The following AGBL4 variants were observed in gnomAD, a reference collection of about 807,000 sequenced individuals.
AGBL4 encodes the protein cytosolic carboxypeptidase 6.
A neutral mutation model predicts 66.4 loss-of-function variants in AGBL4; 58 were observed. That is an observed-to-expected ratio of 0.87 (90% CI 0.71 to 1.09). The LOEUF is 1.09. Among genes scored for constraint, AGBL4 ranks in the 50% least tolerant of loss-of-function variants. The pLI, the probability that AGBL4 is intolerant of heterozygous loss-of-function variation, is 0.00. For missense variants in AGBL4, 579 were observed against 631.0 expected (o/e 0.92, Z 0.88); for synonymous variants, 234 against 222.9 (o/e 1.05, Z -0.44).
intron 3 of AGBL4, among the ~76,000 whole-genome samples, chr1:49,490,838 C>T (rs1438189596): frequency 6.6e-6 from 1 of 151,496 alleles, no homozygotes; most frequent in Non-Finnish European, 1.5e-5. Flanking sequence ...GGAAAGAAAA[C>T]ACAATAAAAA....
intron 4 of AGBL4, among the ~76,000 whole-genome samples, chr1:49,136,654 C>G (rs1460889778): frequency 6.6e-6 from 1 of 152,044 alleles, no homozygotes; most frequent in Non-Finnish European, 1.5e-5. Context: ...TTTAATAGCT[C>G]TAAGCACTAG....
intron 6 of AGBL4, among the ~76,000 whole-genome samples, chr1:48,773,283 A>C (rs1644924996): frequency 6.6e-6 from 1 of 152,160 alleles, no homozygotes; most frequent in Non-Finnish European, 1.5e-5. Flanking sequence ...TATGAGCCCC[A>C]GTAGCAGGCT....
At chr1:49,259,440 C>G (rs374212991) in intron 3 of AGBL4, among the ~76,000 whole-genome samples, 1 of 151,334 alleles carries the variant, frequency 6.6e-6, no homozygotes, top group East Asian at 1.9e-4. Flanking sequence ...CACATAGGCT[C>G]AAAATAAAAG....
chr1:49,615,018 G>A (rs925148775), intron 3 of AGBL4, among the ~76,000 whole-genome samples: 4 of 152,084 alleles, frequency 2.6e-5, no homozygotes, highest in Admixed American at 1.3e-4. Context: ...TAAGAAAATT[G>A]AGATATAGAA....
intron 4 of AGBL4, among the ~76,000 whole-genome samples, chr1:49,151,033 C>A (rs1304770881): frequency 1.3e-5 from 2 of 152,090 alleles, no homozygotes; most frequent in Non-Finnish European, 2.9e-5. Flanking sequence ...CTTTGGGAGG[C>A]CGAGGAGGGT....
chr1:48,697,541 ATCTACTGAC>A (rs2148501225), intron 6 of AGBL4, among the ~76,000 whole-genome samples: 1 of 152,356 alleles, frequency 6.6e-6, no homozygotes, highest in African/African-American at 2.4e-5. Context: ...TTGGGTCCCC[ATCTACTGAC>A]TTCTGGTCCA....
intron 3 of AGBL4, among the ~76,000 whole-genome samples, chr1:49,273,925 G>T (rs201286869): frequency 1.3e-5 from 2 of 151,816 alleles, no homozygotes; most frequent in Non-Finnish European, 2.9e-5. Flanking sequence ...CTCATGATCC[G>T]CCTGCCTCGG....
intron 3 of AGBL4, among the ~76,000 whole-genome samples, chr1:49,653,368 C>G (rs1646048820): frequency 6.6e-6 from 1 of 152,014 alleles, no homozygotes; most frequent in African/African-American, 2.4e-5. Context: ...GAGAAAGAAT[C>G]AACATAAAAA....
chr1:48,775,244 A>T (rs1645019814), intron 6 of AGBL4, among the ~76,000 whole-genome samples: 1 of 152,150 alleles, frequency 6.6e-6, no homozygotes, highest in African/African-American at 2.4e-5. Flanking sequence ...AGAGCCTGTC[A>T]AAAAGGGTCC....
intron 3 of AGBL4, among the ~76,000 whole-genome samples, chr1:49,324,613 G>A (rs1410800923): frequency 6.6e-6 from 1 of 152,232 alleles, no homozygotes; most frequent in Non-Finnish European, 1.5e-5. Flanking sequence ...TCCTAGAAAA[G>A]CAGGTATCTA....
intron 6 of AGBL4, among the ~76,000 whole-genome samples, chr1:48,711,709 C>CTA (rs1318283001): frequency 5.0e-5 from 7 of 139,670 alleles, no homozygotes. Flanking sequence ...CCTGTCACCC[C>CTA]TCTCTCACTC....
At chr1:49,082,458 C>A (rs1393954580) in intron 4 of AGBL4, among the ~76,000 whole-genome samples, 1 of 152,204 alleles carries the variant, frequency 6.6e-6, no homozygotes, top group Non-Finnish European at 1.5e-5. Flanking sequence ...GAAGAAGGGG[C>A]AAAGCCACAT....
chr1:48,984,179 G>C (rs1659989467), intron 5 of AGBL4, among the ~76,000 whole-genome samples: 1 of 151,910 alleles, frequency 6.6e-6, no homozygotes, highest in Admixed American at 6.6e-5. Flanking sequence ...ATCATGACAG[G>C]CAGTAGAGGA....
At chr1:49,511,987 C>T (rs1180496744) in intron 3 of AGBL4, among the ~76,000 whole-genome samples, 2 of 151,984 alleles carry the variant, frequency 1.3e-5, no homozygotes, top group African/African-American at 4.8e-5. Context: ...CATGGATCAT[C>T]ATGAGAATTA....
chr1:49,175,656 C>G (rs1490158186), intron 4 of AGBL4, among the ~76,000 whole-genome samples: 1 of 152,066 alleles, frequency 6.6e-6, no homozygotes, highest in Non-Finnish European at 1.5e-5. Flanking sequence ...AAAACAAGTA[C>G]AGGCAAACTT....
At chr1:49,757,796 A>G (rs1368089654) in intron 2 of AGBL4, among the ~76,000 whole-genome samples, 1 of 152,186 alleles carries the variant, frequency 6.6e-6, no homozygotes, top group African/African-American at 2.4e-5. Context: ...GAAGAGCATG[A>G]AAGTTTGGAA....
At chr1:48,767,717 T>A (rs1644598864) in intron 6 of AGBL4, among the ~76,000 whole-genome samples, 1 of 152,236 alleles carries the variant, frequency 6.6e-6, no homozygotes, top group Non-Finnish European at 1.5e-5. Context: ...TACTCTAACC[T>A]TGAGGCCAAA....
chr1:48,792,756 A>C (rs1210382911), intron 6 of AGBL4, among the ~76,000 whole-genome samples: 1 of 152,206 alleles, frequency 6.6e-6, no homozygotes, highest in East Asian at 1.9e-4. Flanking sequence ...GTAGAAGCAG[A>C]AAAGTGTGAA....
Position 49,452,931 on chromosome 1 carries a change from A to T in AGBL4, c.283-207067T>A, listed in dbSNP as rs547338515. ...CTAAGGTGGTCACTGGCAGGCACTT[A>T]TTTTTACCATCCCTTCTGCCACTAA... On this transcript the variant is annotated intron_variant, in intron 3 of 13. Transcript: ENST00000371839. 1.8e-3 allele frequency among the ~76,000 whole-genome samples: 267 copies of T among 151,994 alleles called. 1 individual carries two copies. The highest frequency in any genetic ancestry group is 3.1e-3 in the Non-Finnish European group (210 of 67,898).
Sources: allele counts gnomAD v4.1 joint callset (sites outside exome capture counted in the v4.1 genomes callset), GRCh38; gene constraint gnomAD v4.1.1; transcripts MANE v1.5; gene names NCBI Gene and HGNC (gene_info 2026-07-23, HGNC 2026-07-21).